The following CPQ variants were observed in gnomAD, a reference collection of about 807,000 sequenced individuals.
CPQ encodes the protein Ser-Met dipeptidase.
In CPQ, 37 loss-of-function variants were observed where a neutral mutation model predicts 45.7. The ratio of observed to expected loss-of-function variants is 0.81; its 90% CI spans 0.62 to 1.07. The LOEUF (loss-of-function observed/expected upper bound fraction) is 1.07, where lower values mean the gene tolerates loss of function less well. Among genes scored for constraint, CPQ ranks in the 50% least tolerant of loss-of-function variants. The pLI is 0.00. For synonymous variants in CPQ, 186 were observed against 205.8 expected (o/e 0.90, Z 0.82); for missense variants, 537 against 572.9 (o/e 0.94, Z 0.64).
intron 3 of CPQ, among the ~76,000 whole-genome samples, chr8:96,855,090 G>A (rs1273953307): frequency 6.6e-6 from 1 of 152,146 alleles, no homozygotes; most frequent in Non-Finnish European, 1.5e-5. Context: ...GGGAGGGTCA[G>A]CCTTTTTGTT....
intron 6 of CPQ, among the ~76,000 whole-genome samples, chr8:97,047,315 C>A (rs1262265938): frequency 1.3e-5 from 2 of 152,162 alleles, no homozygotes; most frequent in Non-Finnish European, 2.9e-5. Flanking sequence ...CTTCTATGAC[C>A]ACATACTTCT....
At chr8:96,910,227 G>A (rs911525112) in intron 4 of CPQ, among the ~76,000 whole-genome samples, 1 of 152,120 alleles carries the variant, frequency 6.6e-6, no homozygotes, top group Admixed American at 6.5e-5. Flanking sequence ...GGTCCAGAGA[G>A]GTTAAATGCC....
At chr8:96,667,084 C>T (rs891638807) in intron 1 of CPQ, among the ~76,000 whole-genome samples, 1 of 129,678 alleles carries the variant, frequency 7.7e-6, no homozygotes, top group Non-Finnish European at 1.7e-5. Flanking sequence ...GGGGAAACAT[C>T]ATCCCCACTT....
chr8:96,899,983 T>C (rs1812494544), intron 4 of CPQ, among the ~76,000 whole-genome samples: 1 of 152,150 alleles, frequency 6.6e-6, no homozygotes, highest in Admixed American at 6.6e-5. Context: ...TTGTCTTTGA[T>C]GGTCCTTTTG....
chr8:96,899,776 T>C (rs137955886), intron 4 of CPQ, among the ~76,000 whole-genome samples: 1 of 152,152 alleles, frequency 6.6e-6, no homozygotes, highest in Non-Finnish European at 1.5e-5. Flanking sequence ...GAGATTTGAC[T>C]GGGGATAAAT....
chr8:96,823,378 T>A (rs1239264303), intron 2 of CPQ, among the ~76,000 whole-genome samples: 1 of 152,042 alleles, frequency 6.6e-6, no homozygotes, highest in Admixed American at 6.6e-5. Context: ...TATGGGAAAT[T>A]TGTGCTACTC....
rs748027162 is a variant in CPQ at position 96,785,096 on chromosome 8, T to C, written c.199T>C (p.Leu67=). The C allele has an allele frequency of 3.3e-5, 53 of 1,613,692 alleles. No homozygotes were observed. The highest frequency in any genetic ancestry group is 1.1e-4 in the African/African-American group (8 of 74,896). The change falls in exon 2 of 8, where the codon TTG becomes CTG. Residue 67 remains leucine (L), a synonymous_variant. Coordinates refer to ENST00000220763, the MANE Select transcript of CPQ (RefSeq NM_016134.4). ...GKAQNRSYER[L]ALLVDTVGPR... ...AGCCCAGAACAGATCCTATGAGCGA[T>C]TGGCACTTCTGGTTGATACTGTTGG...
chr8:96,872,926 T>A (rs1482695673), intron 3 of CPQ, among the ~76,000 whole-genome samples: 1 of 151,916 alleles, frequency 6.6e-6, no homozygotes, highest in Non-Finnish European at 1.5e-5. Context: ...TATCTTTGAA[T>A]CTTCTTTATA....
In CPQ at chr8:97,143,390, A is replaced by G. The variant is rs1812200509; in HGVS notation, c.*207A>G. The G allele has an allele frequency of 1.9e-6, 1 of 523,050 alleles. No individual in the cohort carries two copies. The highest frequency in any genetic ancestry group is 3.3e-5 in the East Asian group (1 of 30,306). 32.4% of individuals were successfully genotyped at this position (523,050 alleles called of 1,614,324 possible). A position where few individuals can be genotyped will look rare whatever the true frequency, so the allele number is the denominator to read the frequency against. ...CATTCTCCCCTCCCTCCCACCACAT[A>G]GAATCAACATATGGTAGGGATTACA... On this transcript the variant is annotated 3_prime_UTR_variant, in exon 8 of 8. Transcript: ENST00000220763.
chr8:97,078,333 C>G (rs1425971011), intron 7 of CPQ, among the ~76,000 whole-genome samples: 1 of 152,130 alleles, frequency 6.6e-6, no homozygotes, highest in Non-Finnish European at 1.5e-5. Context: ...ATTTAGAGGC[C>G]ACAGTCTGAA....
intron 1 of CPQ, among the ~76,000 whole-genome samples, chr8:96,748,443 C>T (rs997271550): frequency 6.6e-6 from 1 of 152,002 alleles, no homozygotes; most frequent in Non-Finnish European, 1.5e-5. Context: ...TTGTTTCTTT[C>T]TTTCTTATTA....
intron 1 of CPQ, among the ~76,000 whole-genome samples, chr8:96,783,128 C>T (rs1405992753): frequency 6.6e-6 from 1 of 152,130 alleles, no homozygotes; most frequent in Admixed American, 6.6e-5. Flanking sequence ...GTAATCTAGG[C>T]TTTTCCTAGG....
At chr8:96,684,512 C>G (rs1429216370) in intron 1 of CPQ, among the ~76,000 whole-genome samples, 1 of 152,112 alleles carries the variant, frequency 6.6e-6, no homozygotes, top group Admixed American at 6.6e-5. Flanking sequence ...CTTAGACCCC[C>G]ACACAGTATG....
At chr8:96,869,054 T>C (rs572522951) in intron 3 of CPQ, among the ~76,000 whole-genome samples, 35 of 152,042 alleles carry the variant, frequency 2.3e-4, no homozygotes, top group Non-Finnish European at 4.4e-4. Flanking sequence ...GCCATTGATA[T>C]AAACATTTCT....
intron 1 of CPQ, among the ~76,000 whole-genome samples, chr8:96,717,185 CAT>C (rs58520563): frequency 0.31 from 46,647 of 148,886 alleles, 7,703 homozygotes; most frequent in East Asian, 0.59. Flanking sequence ...CTGCCATAAA[CAT>C]GTGTGTGCAT....
intron 7 of CPQ, among the ~76,000 whole-genome samples, chr8:97,097,362 C>T (rs1219540699): frequency 6.6e-6 from 1 of 152,182 alleles, no homozygotes; most frequent in South Asian, 2.1e-4. Flanking sequence ...TTTTGAAATG[C>T]CTGACTTGCT....
chr8:97,042,056 A>G (rs1232004744), intron 6 of CPQ, among the ~76,000 whole-genome samples: 1 of 151,870 alleles, frequency 6.6e-6, no homozygotes, highest in Non-Finnish European at 1.5e-5. Context: ...TTTCAGAAGG[A>G]ATGGTACCAG....
intron 7 of CPQ, among the ~76,000 whole-genome samples, chr8:97,069,723 A>G (rs907595173): frequency 1.3e-5 from 2 of 152,048 alleles, no homozygotes; most frequent in Non-Finnish European, 2.9e-5. Flanking sequence ...TCTAAACTCC[A>G]TCCTTTTTTC....
chr8:96,956,971 GCTC>G (rs1355868907), intron 4 of CPQ, among the ~76,000 whole-genome samples: 2 of 152,220 alleles, frequency 1.3e-5, no homozygotes, highest in Non-Finnish European at 2.9e-5. Context: ...AGTAAAGTTG[GCTC>G]CTTGACACTC....
Sources: allele counts gnomAD v4.1 joint callset (sites outside exome capture counted in the v4.1 genomes callset), GRCh38; gene constraint gnomAD v4.1.1; transcripts MANE v1.5; gene names NCBI Gene and HGNC (gene_info 2026-07-23, HGNC 2026-07-21).